ASAP2: variants seen among roughly 807,000 people sequenced by gnomAD.
The protein encoded by ASAP2 is arf-GAP with SH3 domain, ANK repeat and PH domain-containing protein 2.
Under a neutral mutation model 131.4 loss-of-function variants are expected in ASAP2, and 45 were observed. The ratio of observed to expected loss-of-function variants is 0.34; its 90% CI spans 0.27 to 0.44. The LOEUF (loss-of-function observed/expected upper bound fraction) is 0.44, where lower values mean the gene tolerates loss of function less well. ASAP2 is among the 20% of genes least tolerant of loss of function. The pLI is 1.00. For synonymous variants in ASAP2, 510 were observed against 503.0 expected, an observed-to-expected ratio of 1.01 and a Z score of -0.19; for missense variants, 1,011 against 1,297.0, an observed-to-expected ratio of 0.78 and a Z score of 3.39.
At chr2:9,284,300 G>A (rs548915092) in intron 2 of ASAP2, among the ~76,000 whole-genome samples, 82 of 152,270 alleles carry the variant, frequency 5.4e-4, no homozygotes, top group African/African-American at 1.9e-3. Flanking sequence ...AAATTAAAGG[G>A]TACCTAACAT....
At chr2:9,326,281 C>T (rs1039625091) in intron 6 of ASAP2, among the ~76,000 whole-genome samples, 12 of 152,188 alleles carry the variant, frequency 7.9e-5, no homozygotes, top group African/African-American at 2.9e-4. Context: ...TTTCCCCAAA[C>T]TGAAGTTCTC....
At chr2:9,348,085 G>A (rs7559179) in intron 11 of ASAP2, among the ~76,000 whole-genome samples, 149,524 of 152,366 alleles carry the variant, frequency 0.98, 73,447 homozygotes, top group Middle Eastern at 1. Flanking sequence ...AAACCGTTCT[G>A]TATCTCAATT....
At chr2:9,333,961 GAC>G (rs1390346585) in intron 7 of ASAP2, among the ~76,000 whole-genome samples, 1 of 150,560 alleles carries the variant, frequency 6.6e-6, no homozygotes, top group East Asian at 2.0e-4. Flanking sequence ...CTACCCCGCA[GAC>G]ACAGTGTGGC....
At chr2:9,349,725 A>G (rs973115321) in intron 11 of ASAP2, among the ~76,000 whole-genome samples, 2 of 152,076 alleles carry the variant, frequency 1.3e-5, no homozygotes, top group African/African-American at 4.8e-5. Flanking sequence ...ACATTTATTA[A>G]CCCAAATCCT....
intron 24 of ASAP2, 73 bp downstream of exon 24, chr2:9,393,720 A>G (rs1675903240): frequency 7.0e-7 from 1 of 1,427,758 alleles, no homozygotes. Context: ...GCTCTGCAGG[A>G]ATGTTTGCAA....
chr2:9,403,822 C>T lies in ASAP2; in HGVS notation c.*495C>T, dbSNP rs1676953159. ...TTAAAGACACACATTCCTTTGAAAT[C>T]CACCCAGTGTTTAAAAAGCAACTTG... On this transcript the variant is annotated 3_prime_UTR_variant, in exon 28 of 28. Coordinates refer to ENST00000281419, the MANE Select transcript of ASAP2 (RefSeq NM_003887.3). The T allele has an allele frequency of 6.5e-6, 1 of 154,870 alleles. No homozygotes were observed. 9.6% of individuals were successfully genotyped at this position (154,870 alleles called of 1,614,324 possible).
At chr2:9,350,781 T>A (rs1244407793) in intron 11 of ASAP2, 27 bp from the exon 12 acceptor site, 1 of 1,601,556 alleles carries the variant, frequency 6.2e-7, no homozygotes, top group South Asian at 1.1e-5. Flanking sequence ...ACCCCAACCT[T>A]TTTTGTTGTT....
intron 2 of ASAP2, among the ~76,000 whole-genome samples, chr2:9,283,150 T>C (rs940862552): frequency 3.3e-5 from 5 of 152,178 alleles, no homozygotes; most frequent in African/African-American, 4.8e-5. Flanking sequence ...TGATCTCGGC[T>C]CACTGCAGCC....
intron 15 of ASAP2, among the ~76,000 whole-genome samples, chr2:9,362,090 T>C (rs1673131690): frequency 6.6e-6 from 1 of 151,748 alleles, no homozygotes. Context: ...ACAAAATCCT[T>C]TCAGAAAAAT....
At position 9,335,186 on chromosome 2, in the gene ASAP2, G is replaced by T. The variant is rs1432576307; in HGVS notation, c.849+7G>T. 1.2e-6 allele frequency: 2 copies of T among 1,613,118 alleles called. No individual in the cohort carries two copies. The highest frequency in any genetic ancestry group is 1.1e-5 in the South Asian group (1 of 91,056). On this transcript the variant is annotated splice_region_variant and intron_variant, in intron 9 of 27. Transcript: ENST00000281419. ...GCAGGTTGAACAGAAAGAGGTGAGG[G>T]GATTTAATTTTGAAAGATTGCAGTT...
At chr2:9,306,495 G>T (rs549144350) in intron 3 of ASAP2, among the ~76,000 whole-genome samples, 1 of 151,832 alleles carries the variant, frequency 6.6e-6, no homozygotes, top group South Asian at 2.1e-4. Context: ...GGTTGATAAC[G>T]GAAGAGGAAA....
intron 1 of ASAP2, among the ~76,000 whole-genome samples, chr2:9,237,748 G>A (rs6746487): frequency 0.042 from 6,369 of 152,102 alleles, 348 homozygotes; most frequent in African/African-American, 0.12. Flanking sequence ...GATTCTGAGC[G>A]ACCAGGAGAC....
At position 9,217,261 on chromosome 2, in the gene ASAP2, G is replaced by C. The variant is rs112321735; in HGVS notation, c.126+10031G>C. ...GAGTGGGTGCTTCTGGCAAATCCTT[G>C]TTGCTTCTCGTTTCCTGTTTGCCTC... On this transcript the variant is annotated intron_variant, in intron 1 of 27. Coordinates refer to ENST00000281419, the MANE Select transcript of ASAP2 (RefSeq NM_003887.3). The surrounding 1 kb of genome is among the most constrained non-coding windows in gnomAD (Gnocchi z 4.0). Among the ~76,000 whole-genome samples, 918 of 152,258 alleles carry C rather than the reference G, an allele frequency of 6.0e-3. 9 individuals are homozygous for C. Among genetic ancestry groups the C allele is most frequent in the African/African-American group, 0.021 (874 of 41,534 alleles).
chr2:9,340,380 C>T (rs565721171), intron 9 of ASAP2, among the ~76,000 whole-genome samples: 2 of 152,366 alleles, frequency 1.3e-5, no homozygotes, highest in African/African-American at 2.4e-5. Context: ...GCTGGGCTCA[C>T]ACAGTGGCAT....
At chr2:9,270,000 G>C (rs1666228585) in intron 1 of ASAP2, among the ~76,000 whole-genome samples, 1 of 152,168 alleles carries the variant, frequency 6.6e-6, no homozygotes, top group Non-Finnish European at 1.5e-5. Flanking sequence ...AGAAGAGTTT[G>C]GGAACTCCAA....
intron 2 of ASAP2, among the ~76,000 whole-genome samples, chr2:9,290,369 C>A (rs1667735006): frequency 6.6e-6 from 1 of 152,114 alleles, no homozygotes; most frequent in Non-Finnish European, 1.5e-5. Flanking sequence ...GCCACCACTC[C>A]TGGCTAATTT....
chr2:9,210,377 T>C (rs180801522), intron 1 of ASAP2, among the ~76,000 whole-genome samples: 2 of 152,152 alleles, frequency 1.3e-5, no homozygotes, highest in African/African-American at 4.8e-5. Flanking sequence ...TTTAGGAAGA[T>C]AGTACATAGC....
At chr2:9,393,995 G>A (rs185209442) in intron 24 of ASAP2, among the ~76,000 whole-genome samples, 7 of 152,194 alleles carry the variant, frequency 4.6e-5, no homozygotes, top group African/African-American at 7.2e-5. Context: ...GGTGTGAGGC[G>A]TGGATTTCCC....
chr2:9,305,344 G>A (rs1668813769), intron 3 of ASAP2, among the ~76,000 whole-genome samples: 1 of 142,462 alleles, frequency 7.0e-6, no homozygotes, highest in Admixed American at 7.2e-5. Flanking sequence ...TAGTAGTGGG[G>A]TATAGATATT....
Sources: allele counts gnomAD v4.1 joint callset (sites outside exome capture counted in the v4.1 genomes callset), GRCh38; gene constraint gnomAD v4.1.1; non-coding constraint Gnocchi (gnomAD v3.1); transcripts MANE v1.5; gene names NCBI Gene and HGNC (gene_info 2026-07-23, HGNC 2026-07-21).